Variants in RGS6 observed in about 807,000 individuals in gnomAD.
The protein encoded by RGS6 is regulator of G protein signaling 6, also known as regulator of G-protein signaling 6.
A neutral mutation model predicts 78.5 loss-of-function variants in RGS6; 30 were observed. That is an observed-to-expected ratio of 0.38 (90% CI 0.29 to 0.52). The LOEUF is 0.52. Among genes scored for constraint, RGS6 ranks in the 20% least tolerant of loss-of-function variants. The pLI is 0.85. For synonymous variants in RGS6, 206 were observed against 206.0 expected, an observed-to-expected ratio of 1.00 and a Z score of 0.00; for missense variants, 495 against 609.7, an observed-to-expected ratio of 0.81 and a Z score of 1.98.
In RGS6 at chr14:72,564,057, G is replaced by A. The variant is rs1043817158; in HGVS notation, c.*1590G>A. On this transcript the variant is annotated 3_prime_UTR_variant, in exon 18 of 18. Coordinates refer to ENST00000553525, the MANE Select transcript of RGS6 (RefSeq NM_001204424.2). ...GACCCGGCCTCCTGGGTGCTCCCCA[G>A]TGACCCATCTTTCCACCCCACCACC... 1.5e-4 allele frequency: 23 copies of A among 152,218 alleles called. No homozygotes were observed. Among genetic ancestry groups the A allele is most frequent in the Non-Finnish European group, 3.1e-4 (21 of 68,034 alleles). 9.4% of individuals were successfully genotyped at this position (152,218 alleles called of 1,614,324 possible).
chr14:72,602,686 T>A, the RGS6 span, among the ~76,000 whole-genome samples: 4 of 152,240 alleles, frequency 2.6e-5, no homozygotes, highest in Non-Finnish European at 5.9e-5. Flanking sequence ...ACTTCCATTA[T>A]GTAATTGGAA....
intron 2 of RGS6, among the ~76,000 whole-genome samples, chr14:71,986,881 A>G (rs993015931): frequency 5.3e-5 from 8 of 152,094 alleles, no homozygotes; most frequent in Admixed American, 6.5e-5. Flanking sequence ...TCATAGCCCC[A>G]CATCAGTCCC....
intron 2 of RGS6, among the ~76,000 whole-genome samples, chr14:72,143,124 T>C (rs770851245): frequency 5.9e-5 from 9 of 152,060 alleles, no homozygotes; most frequent in Non-Finnish European, 1.2e-4. Flanking sequence ...TCCCAGCGCT[T>C]TGGGAGGCTG....
chr14:72,431,129 T>TA (rs2094612974), intron 3 of RGS6, among the ~76,000 whole-genome samples: 1 of 152,202 alleles, frequency 6.6e-6, no homozygotes, highest in African/African-American at 2.4e-5. Flanking sequence ...ACTAGGATCT[T>TA]ACAGTACACT....
intron 2 of RGS6, among the ~76,000 whole-genome samples, chr14:72,282,707 G>A (rs1486701149): frequency 1.3e-5 from 2 of 152,134 alleles, no homozygotes; most frequent in East Asian, 3.8e-4. Flanking sequence ...CACAATCCAG[G>A]GAATAAACAT....
chr14:72,562,768 G>A lies in RGS6; in HGVS notation c.*301G>A. On this transcript the variant is annotated 3_prime_UTR_variant, in exon 18 of 18. Transcript: ENST00000553525. ...GGCCCTGATCCCAGCTCATTCAGGG[G>A]AGAACACGTCGTGGGGTTCCTGTCA... 1 of 1,527,720 alleles carries A rather than the reference G, an allele frequency of 6.5e-7. No individual in the cohort carries two copies. Among genetic ancestry groups the A allele is most frequent in the South Asian group, 1.2e-5 (1 of 83,912 alleles). 94.6% of individuals were successfully genotyped at this position (1,527,720 alleles called of 1,614,324 possible).
In RGS6 at chr14:71,964,804, T is replaced by G. The variant is rs774110196; in HGVS notation, c.13T>G (p.Ser5Ala). The G allele has an allele frequency of 1.2e-6, 2 of 1,613,574 alleles. No homozygotes were observed. The highest frequency in any genetic ancestry group is 1.7e-6 in the Non-Finnish European group (2 of 1,179,856). The change falls in exon 2 of 18, where the codon TCC becomes GCC. Residue 5 changes from serine to alanine, a missense_variant. Physicochemically the swap from Ser to Ala is moderately conservative, Grantham distance 99. Transcript: ENST00000553525. ...GAAGACACTCAGGATGGCTCAAGGA[T>G]CCGGGGATCAAAGAGCAGTGGGGGT... MAQG[S>A]GDQRAVGVAD...
chr14:72,261,990 T>C (rs10150242), intron 2 of RGS6, among the ~76,000 whole-genome samples: 86,858 of 151,910 alleles, frequency 0.57, 25,319 homozygotes, highest in African/African-American at 0.68. Flanking sequence ...ATCACTGTAA[T>C]TCATGATTTA....
intron 2 of RGS6, among the ~76,000 whole-genome samples, chr14:72,314,640 T>C (rs1162328858): frequency 6.6e-6 from 1 of 152,236 alleles, no homozygotes; most frequent in African/African-American, 2.4e-5. Flanking sequence ...CCAGGTCCTC[T>C]AATCTTGAGT....
chr14:72,541,334 C>A, intron 17 of RGS6: 1 of 1,332,336 alleles, frequency 7.5e-7, no homozygotes, highest in Non-Finnish European at 1.0e-6. Flanking sequence ...ATTTTAAGTG[C>A]ATTTAAACAT....
the RGS6 span, among the ~76,000 whole-genome samples, chr14:71,882,547 G>T: frequency 1.3e-5 from 2 of 152,230 alleles, no homozygotes; most frequent in African/African-American, 4.8e-5. Flanking sequence ...ACAATGAAGT[G>T]CTAGGTGCTG....
At chr14:71,936,041 T>TATATATATATATATACAC (rs1555390355) in intron 1 of RGS6, among the ~76,000 whole-genome samples, 2 of 127,704 alleles carry the variant, frequency 1.6e-5, no homozygotes, top group African/African-American at 5.5e-5. Context: ...TATATATATA[T>TATATATATATATATACAC]GTACATATAT....
chr14:72,614,831 T>A, the RGS6 span, among the ~76,000 whole-genome samples: 3 of 142,200 alleles, frequency 2.1e-5, no homozygotes, highest in African/African-American at 7.9e-5. Flanking sequence ...GCCCTCCAGC[T>A]CCTTAGCTCG....
At chr14:72,120,904 A>G (rs2096033294) in intron 2 of RGS6, among the ~76,000 whole-genome samples, 2 of 152,228 alleles carry the variant, frequency 1.3e-5, no homozygotes, top group African/African-American at 4.8e-5. Context: ...GTCAAAACTC[A>G]TCACGTGGAA....
chr14:72,001,471 AACACACAC>A (rs3053057), intron 2 of RGS6, among the ~76,000 whole-genome samples: 14,785 of 145,850 alleles, frequency 0.1, 926 homozygotes, highest in East Asian at 0.16. Flanking sequence ...ATAAAAACAG[AACACACAC>A]ACACACACAC....
chr14:71,987,534 T>A (rs1337787585), intron 2 of RGS6, among the ~76,000 whole-genome samples: 1 of 152,240 alleles, frequency 6.6e-6, no homozygotes, highest in Non-Finnish European at 1.5e-5. Context: ...TTATTTATTT[T>A]TTATTTTTTC....
intron 2 of RGS6, among the ~76,000 whole-genome samples, chr14:72,340,166 C>T (rs1375064792): frequency 6.6e-6 from 1 of 152,096 alleles, no homozygotes; most frequent in Non-Finnish European, 1.5e-5. Context: ...TCATTTCTAC[C>T]TGATTTTGCT....
At chr14:72,505,158 T>A (rs145248537) in intron 13 of RGS6, among the ~76,000 whole-genome samples, 21 of 152,234 alleles carry the variant, frequency 1.4e-4, no homozygotes. Context: ...CATTTTTAGT[T>A]GTTCATTACA....
chr14:72,128,523 G>A (rs913065799), intron 2 of RGS6, among the ~76,000 whole-genome samples: 6 of 151,904 alleles, frequency 3.9e-5, no homozygotes, highest in African/African-American at 1.5e-4. Flanking sequence ...ACCTGGAAAT[G>A]TGATAGCATT....
Sources: gnomAD v4.1 joint callset for allele counts (sites outside exome capture counted in the v4.1 genomes callset) on GRCh38, gnomAD v4.1.1 for gene constraint, MANE v1.5 for transcripts, NCBI Gene and HGNC (gene_info 2026-07-23, HGNC 2026-07-21) for gene names.